The following FARP1 variants were observed in gnomAD, a reference collection of about 807,000 sequenced individuals.
The protein encoded by FARP1 is FERM, ARHGEF and pleckstrin domain-containing protein 1.
FARP1 carries 52 observed loss-of-function variants against 128.8 expected under a neutral mutation model. The observed-to-expected ratio is 0.40, with a 90% CI of 0.32 to 0.51. The LOEUF is 0.51. Ranked by LOEUF, FARP1 falls within the 20% of genes least tolerant of loss-of-function variation. The pLI, the probability that FARP1 is intolerant of heterozygous loss-of-function variation, is 0.45. For synonymous variants in FARP1, 580 were observed against 551.8 expected (o/e 1.05, Z -0.72); for missense variants, 1,333 against 1,367.9 (o/e 0.97, Z 0.40).
At chr13:98,372,722 G>A (rs1307967763) in intron 5 of FARP1, among the ~76,000 whole-genome samples, 1 of 152,180 alleles carries the variant, frequency 6.6e-6, no homozygotes, top group East Asian at 1.9e-4. Context: ...GCAGTCCCTA[G>A]GAGTGAAGTC....
intron 17 of FARP1, chr13:98,425,605 G>T (rs1419822142): frequency 2.0e-5 from 3 of 152,134 alleles, no homozygotes; most frequent in Admixed American, 2.0e-4. Context: ...TGGCCAGGCT[G>T]ATCTCAAACT....
intron 1 of FARP1, among the ~76,000 whole-genome samples, chr13:98,165,749 ACT>A (rs1491115371): frequency 2.7e-5 from 2 of 74,992 alleles, no homozygotes; most frequent in Admixed American, 2.2e-4. Context: ...TTTTTGTCTC[ACT>A]CTGTCATGCA....
In FARP1 at chr13:98,448,737, GTGTTTGTT is replaced by G. The variant is rs56021612; in HGVS notation, c.*431_*438del. ...TGCATTTTACGAAGTGGACTTCCCG[GTGTTTGTT>G]TGTTTGTTTGCAATACACTCAGTGC... On this transcript the variant is annotated 3_prime_UTR_variant, in exon 27 of 27. Transcript: ENST00000319562. 7.1e-4 allele frequency: 112 copies of G among 157,648 alleles called. 1 individual carries two copies. The highest frequency in any genetic ancestry group is 6.3e-3 in the South Asian group (34 of 5,362). 9.8% of individuals were successfully genotyped at this position (157,648 alleles called of 1,614,324 possible). A position where few individuals can be genotyped will look rare whatever the true frequency, so the allele number is the denominator to read the frequency against.
At chr13:98,165,507 GTTTGT>G (rs750040407) in intron 1 of FARP1, among the ~76,000 whole-genome samples, 6 of 151,826 alleles carry the variant, frequency 4.0e-5, no homozygotes, top group Admixed American at 2.6e-4. Flanking sequence ...TCAGTCTAAA[GTTTGT>G]TTTAACAGAA....
chr13:98,153,394 T>TACATTATATACAAATATGTATATGTAAC (rs1876200115), intron 1 of FARP1, among the ~76,000 whole-genome samples: 1 of 106,652 alleles, frequency 9.4e-6, no homozygotes, highest in East Asian at 2.9e-4. Flanking sequence ...TAATAAATAA[T>TACATTATATACAAATATGTATATGTAAC]ACATTATATA....
chr13:98,223,615 A>G (rs1881566320), intron 2 of FARP1, among the ~76,000 whole-genome samples: 1 of 152,110 alleles, frequency 6.6e-6, no homozygotes, highest in Non-Finnish European at 1.5e-5. Flanking sequence ...TGTGAGCCAC[A>G]GCGCCTGGCC....
intron 2 of FARP1, among the ~76,000 whole-genome samples, chr13:98,215,137 A>G (rs1325694698): frequency 6.6e-6 from 1 of 152,192 alleles, no homozygotes; most frequent in South Asian, 2.1e-4. Context: ...CCCCATTCCT[A>G]GCTACTATTT....
chr13:98,312,284 G>A (rs1045835793), intron 2 of FARP1, among the ~76,000 whole-genome samples: 1 of 151,912 alleles, frequency 6.6e-6, no homozygotes, highest in Non-Finnish European at 1.5e-5. Context: ...GGGACTACAG[G>A]CGCCCGCTAC....
At chr13:98,162,267 T>G (rs914252143) in intron 1 of FARP1, among the ~76,000 whole-genome samples, 1 of 152,210 alleles carries the variant, frequency 6.6e-6, no homozygotes, top group Non-Finnish European at 1.5e-5. Flanking sequence ...AATACTCCTG[T>G]GTGCCATGCC....
At chr13:98,380,610 G>A (rs1233484606) in intron 6 of FARP1, among the ~76,000 whole-genome samples, 1 of 151,862 alleles carries the variant, frequency 6.6e-6, no homozygotes, top group African/African-American at 2.4e-5. Flanking sequence ...GACAGTCTCT[G>A]TCACCCAGAT....
intron 16 of FARP1, among the ~76,000 whole-genome samples, chr13:98,423,298 G>A (rs577870585): frequency 4.6e-4 from 70 of 151,770 alleles, no homozygotes; most frequent in Non-Finnish European, 8.5e-4. Flanking sequence ...GTTGACACTC[G>A]ATATTAACCA....
intron 1 of FARP1, among the ~76,000 whole-genome samples, chr13:98,164,051 C>T (rs1299394846): frequency 6.6e-6 from 1 of 150,906 alleles, no homozygotes; most frequent in Non-Finnish European, 1.5e-5. Context: ...CCTTCTTTAG[C>T]TTAATTCTAA....
chr13:98,236,582 A>G (rs1882432660), intron 2 of FARP1, among the ~76,000 whole-genome samples: 1 of 152,152 alleles, frequency 6.6e-6, no homozygotes. Flanking sequence ...GATGAACCTC[A>G]TAGCCAAGAA....
At chr13:98,148,879 TTCTC>T (rs1032471959) in intron 1 of FARP1, among the ~76,000 whole-genome samples, 13 of 152,064 alleles carry the variant, frequency 8.5e-5, no homozygotes, top group Admixed American at 7.9e-4. Context: ...TAGGTATTTC[TTCTC>T]TCTTTTACTT....
At chr13:98,294,858 A>G (rs1885591201) in intron 2 of FARP1, among the ~76,000 whole-genome samples, 1 of 151,942 alleles carries the variant, frequency 6.6e-6, no homozygotes, top group Admixed American at 6.6e-5. Flanking sequence ...CTCTACTAAA[A>G]ATACAAAAAT....
At chr13:98,265,610 C>T (rs57378439) in intron 2 of FARP1, among the ~76,000 whole-genome samples, 65,353 of 151,330 alleles carry the variant, frequency 0.43, 14,836 homozygotes, top group South Asian at 0.58. Flanking sequence ...TGAGCCACCG[C>T]GCCCAGCCCT....
At chr13:98,439,883 G>C in intron 21 of FARP1, 78 bp from the exon 22 acceptor site, 1 of 1,051,402 alleles carries the variant, frequency 9.5e-7, no homozygotes, top group South Asian at 1.6e-5. Flanking sequence ...CCTTTTCCAA[G>C]TTGCCTGGCT....
chr13:98,319,515 G>A (rs756097077), intron 2 of FARP1, among the ~76,000 whole-genome samples: 2 of 152,134 alleles, frequency 1.3e-5, no homozygotes, highest in Non-Finnish European at 2.9e-5. Context: ...AGCTACTCTG[G>A]CGGCTGAGGC....
intron 1 of FARP1, among the ~76,000 whole-genome samples, chr13:98,190,454 C>T (rs1879145431): frequency 6.6e-6 from 1 of 152,178 alleles, no homozygotes; most frequent in Non-Finnish European, 1.5e-5. Flanking sequence ...CTCTTATCTT[C>T]CAAACTTATT....
Sources: allele counts gnomAD v4.1 joint callset (sites outside exome capture counted in the v4.1 genomes callset), GRCh38; gene constraint gnomAD v4.1.1; transcripts MANE v1.5; gene names NCBI Gene and HGNC (gene_info 2026-07-23, HGNC 2026-07-21).